The following CAMK2D variants were observed in gnomAD, a reference collection of about 807,000 sequenced individuals.
The protein encoded by CAMK2D is calcium/calmodulin-dependent protein kinase type II subunit delta.
CAMK2D carries 37 observed loss-of-function variants against 84.0 expected under a neutral mutation model. That is an observed-to-expected ratio of 0.44 (90% confidence interval 0.34 to 0.58). The LOEUF is 0.58. Ranked by LOEUF, CAMK2D falls within the 20% of genes least tolerant of loss-of-function variation. The pLI is 0.02. For missense variants in CAMK2D, 448 were observed against 652.5 expected (o/e 0.69, Z 3.41); for synonymous variants, 202 against 212.5 (o/e 0.95, Z 0.43).
chr4:113,551,611 A>G (rs1591106443), intron 5 of CAMK2D, among the ~76,000 whole-genome samples: 1 of 152,200 alleles, frequency 6.6e-6, no homozygotes, highest in Admixed American at 6.5e-5. Context: ...GACCAACTAC[A>G]TGGTTAGACC....
intron 2 of CAMK2D, among the ~76,000 whole-genome samples, chr4:113,743,655 G>A (rs2099598003): frequency 6.6e-6 from 1 of 152,058 alleles, no homozygotes; most frequent in Non-Finnish European, 1.5e-5. Context: ...TCTCACTCAT[G>A]CCCACAACCT....
At chr4:113,521,453 A>AACTT (rs1402925492) in intron 8 of CAMK2D, among the ~76,000 whole-genome samples, 3 of 152,136 alleles carry the variant, frequency 2.0e-5, no homozygotes, top group Non-Finnish European at 4.4e-5. Context: ...TCCTGTTCTA[A>AACTT]ACTTGAAATC....
intron 2 of CAMK2D, among the ~76,000 whole-genome samples, chr4:113,666,244 A>G (rs1175638691): frequency 6.6e-6 from 1 of 152,208 alleles, no homozygotes; most frequent in Non-Finnish European, 1.5e-5. Context: ...TCAATAAGCA[A>G]ATTTCAAAAG....
chr4:113,659,726 C>A (rs1423101837), intron 3 of CAMK2D, among the ~76,000 whole-genome samples: 8 of 152,212 alleles, frequency 5.3e-5, no homozygotes, highest in Admixed American at 5.2e-4. Context: ...TACTCTCTTA[C>A]TGGCAGTCTT....
rs181759346 is a variant in CAMK2D at position 113,568,102 on chromosome 4, C to A, written c.276-16006G>T. Among the ~76,000 whole-genome samples the A allele has an allele frequency of 1.1e-3, 171 of 152,244 alleles. 2 individuals are homozygous for A. The highest frequency in any genetic ancestry group is 4.0e-3 in the African/African-American group (167 of 41,536). On this transcript the variant is annotated intron_variant, in intron 4 of 20. Transcript: ENST00000511664. ...GTTTTTAAAATTGTGGCAAAATACA[C>A]ACACGATGAAATTTACTCCTTAAAA...
chr4:113,596,116 C>T (rs2098925110), intron 4 of CAMK2D, among the ~76,000 whole-genome samples: 2 of 152,170 alleles, frequency 1.3e-5, no homozygotes, highest in South Asian at 4.1e-4. Context: ...AGTATTTTCA[C>T]TAGGAGTAGA....
At chr4:113,604,476 T>C (rs1197391990) in intron 4 of CAMK2D, among the ~76,000 whole-genome samples, 2 of 152,210 alleles carry the variant, frequency 1.3e-5, no homozygotes, top group Admixed American at 6.5e-5. Context: ...ATTAATCTCA[T>C]TTACTGGTAG....
At chr4:113,536,598 T>C (rs1446510129) in intron 7 of CAMK2D, among the ~76,000 whole-genome samples, 4 of 152,188 alleles carry the variant, frequency 2.6e-5, no homozygotes, top group Admixed American at 2.0e-4. Flanking sequence ...GTTATATTTT[T>C]GGAACTATAC....
intron 2 of CAMK2D, among the ~76,000 whole-genome samples, chr4:113,703,050 C>T (rs765269987): frequency 2.6e-4 from 40 of 152,098 alleles, no homozygotes; most frequent in Admixed American, 3.9e-4. Flanking sequence ...CTATACTGGA[C>T]GGCACAGCTA....
At chr4:113,542,601 G>A (rs547281301) in intron 6 of CAMK2D, among the ~76,000 whole-genome samples, 44 of 152,146 alleles carry the variant, frequency 2.9e-4, no homozygotes, top group African/African-American at 9.9e-4. Context: ...TGTAGTCCCA[G>A]CTACTCGGGA....
intron 16 of CAMK2D, among the ~76,000 whole-genome samples, chr4:113,495,917 C>G (rs1327051739): frequency 6.6e-6 from 1 of 152,092 alleles, no homozygotes; most frequent in Non-Finnish European, 1.5e-5. Context: ...TACAGGAGCC[C>G]AACTTCAACA....
chr4:113,525,772 GT>G (rs1389203966), intron 8 of CAMK2D, among the ~76,000 whole-genome samples: 2 of 152,120 alleles, frequency 1.3e-5, no homozygotes, highest in Non-Finnish European at 2.9e-5. Context: ...TAAATGGCTT[GT>G]TTTGCATTTC....
At chr4:113,717,772 A>ATTAATTCTTT (rs2099518106) in intron 2 of CAMK2D, among the ~76,000 whole-genome samples, 1 of 152,098 alleles carries the variant, frequency 6.6e-6, no homozygotes, top group Non-Finnish European at 1.5e-5. Context: ...TTAAATAATT[A>ATTAATTCTTT]AACCTTAAAG....
intron 2 of CAMK2D, among the ~76,000 whole-genome samples, chr4:113,708,256 T>A (rs1561959225): frequency 6.6e-6 from 1 of 152,174 alleles, no homozygotes; most frequent in African/African-American, 2.4e-5. Flanking sequence ...GGCTCACTTT[T>A]TAAGTGGTTC....
chr4:113,587,628 T>C (rs545824131), intron 4 of CAMK2D, among the ~76,000 whole-genome samples: 6 of 152,198 alleles, frequency 3.9e-5, no homozygotes, highest in Non-Finnish European at 8.8e-5. Flanking sequence ...ATAGTTAATA[T>C]TGAAACACAA....
At chr4:113,472,830 A>T (rs1412955680) in intron 16 of CAMK2D, among the ~76,000 whole-genome samples, 1 of 152,196 alleles carries the variant, frequency 6.6e-6, no homozygotes, top group Non-Finnish European at 1.5e-5. Context: ...TAAGTTAGCA[A>T]TTCTATTTAT....
At chr4:113,722,862 A>C (rs2099534967) in intron 2 of CAMK2D, among the ~76,000 whole-genome samples, 1 of 152,136 alleles carries the variant, frequency 6.6e-6, no homozygotes, top group Admixed American at 6.5e-5. Context: ...ACGTTAAGCT[A>C]TTTCACCTTC....
At chr4:113,703,949 C>G (rs945709074) in intron 2 of CAMK2D, among the ~76,000 whole-genome samples, 22 of 143,324 alleles carry the variant, frequency 1.5e-4, no homozygotes, top group African/African-American at 5.7e-4. Context: ...TTTTAAGAAC[C>G]AGGTACTTCA....
chr4:113,651,150 G>A (rs1458734826), intron 3 of CAMK2D, among the ~76,000 whole-genome samples: 1 of 152,138 alleles, frequency 6.6e-6, no homozygotes, highest in Non-Finnish European at 1.5e-5. Flanking sequence ...TATTTTAAGA[G>A]AATTCAAGTC....
Sources: allele counts gnomAD v4.1 joint callset (sites outside exome capture counted in the v4.1 genomes callset), GRCh38; gene constraint gnomAD v4.1.1; transcripts MANE v1.5; gene names NCBI Gene and HGNC (gene_info 2026-07-23, HGNC 2026-07-21).